The following CDH22 variants were observed in gnomAD, a reference collection of about 807,000 sequenced individuals.
The protein encoded by CDH22 is cadherin-22.
CDH22 carries 30 observed loss-of-function variants against 58.4 expected under a neutral mutation model. That is an observed-to-expected ratio of 0.51 (90% CI 0.38 to 0.70). The LOEUF (loss-of-function observed/expected upper bound fraction) is 0.70, where lower values mean the gene tolerates loss of function less well. Ranked by LOEUF, CDH22 falls within the 30% of genes least tolerant of loss-of-function variation. The probability of loss-of-function intolerance (pLI) is 0.00; values close to 1 mark genes in which losing one functional copy is unlikely to be tolerated. For synonymous variants in CDH22, 513 were observed against 558.2 expected (o/e 0.92, Z 1.14); for missense variants, 1,014 against 1,233.9 (o/e 0.82, Z 2.67).
At chr20:46,211,824 C>A (rs1257612133) in intron 6 of CDH22, among the ~76,000 whole-genome samples, 1 of 151,792 alleles carries the variant, frequency 6.6e-6, no homozygotes, top group Non-Finnish European at 1.5e-5. Flanking sequence ...TAGAGCTGGA[C>A]CCCCTGAGCC....
At chr20:46,270,689 T>C (rs2086482760) in intron 1 of CDH22, among the ~76,000 whole-genome samples, 1 of 152,176 alleles carries the variant, frequency 6.6e-6, no homozygotes, top group African/African-American at 2.4e-5. Context: ...GCAGGGGTGG[T>C]GAGACCCTAA....
chr20:46,189,829 CA>C (rs1465458093), intron 8 of CDH22, among the ~76,000 whole-genome samples: 1 of 152,168 alleles, frequency 6.6e-6, no homozygotes, highest in Non-Finnish European at 1.5e-5. Flanking sequence ...TGGCTGGCCC[CA>C]GGTCAGTACC....
At position 46,227,582 on chromosome 20, in the gene CDH22, G is replaced by A. The variant is rs770216963; in HGVS notation, c.596C>T (p.Thr199Met). Residue 199 changes from threonine to methionine, a missense_variant, in exon 4 of 12, where the codon ACG (threonine) becomes ATG (methionine). By Grantham distance (81) the Thr-to-Met change is moderately conservative. Coordinates refer to ENST00000537909, the MANE Select transcript of CDH22 (RefSeq NM_021248.3). ...QVMASDADDPTYGSSARLVYS... is the reference protein window; with the variant it reads ...QVMASDADDPMYGSSARLVYS... ...CACCAGCCGAGCGCTGCTGCCGTAC[G>A]TGGGGTCATCCGCATCCGAGGCCAT... 13 of 1,612,966 alleles carry A rather than the reference G, an allele frequency of 8.1e-6. No homozygotes were observed. In the South Asian group the frequency reaches 1.4e-4, roughly 18 times the overall value.
Position 46,216,991 on chromosome 20 carries a change from C to G in CDH22, c.673G>C (p.Val225Leu), listed in dbSNP as rs141292740. 6.3e-7 allele frequency: 1 copy of G among 1,587,156 alleles called. No homozygotes were observed. The highest frequency in any genetic ancestry group is 1.1e-5 in the South Asian group (1 of 90,522). The stretch of plus-strand genomic sequence containing the variant: ...AGGTCAGGCACAGCCGTCCGGATTA[C>G]GCCTGTGGGTGAGTGAGGGTGAGGC... ...HHFTVDPKTG[V>L]IRTAVPDLDR... is the part of the protein sequence containing the mutation. Residue 225 changes from valine to leucine, a missense_variant and splice_region_variant, in exon 5 of 12, where the codon GTA becomes CTA. This residue lies in a region of CDH22 where 806 missense variants were observed against 1,038.7 expected (regional missense o/e 0.78). Transcript: ENST00000537909. The surrounding 1 kb of genome is among the most constrained non-coding windows in gnomAD (Gnocchi z 5.3).
In CDH22 at chr20:46,210,164, C is replaced by A. The variant is rs940151436; in HGVS notation, c.1286+143G>T. The stretch of plus-strand genomic sequence containing the variant: ...TGCCTGTTTCTCTCCACCCGTGCGC[C>A]TCTCTCCGCGCCTCCCTCCCCCACG... On this transcript the variant is annotated intron_variant, in intron 7 of 11. Transcript: ENST00000537909. This position sits in a 1 kb window ranked among gnomAD's most constrained non-coding sequence, Gnocchi z 4.5. 1.2e-6 allele frequency: 1 copy of A among 844,438 alleles called. No individual in the cohort carries two copies. Among genetic ancestry groups the A allele is most frequent in the Non-Finnish European group, 1.7e-6 (1 of 605,502 alleles). 52.3% of individuals were successfully genotyped at this position (844,438 alleles called of 1,614,324 possible).
chr20:46,202,344 C>T (rs1218427688), intron 7 of CDH22, among the ~76,000 whole-genome samples: 2 of 150,738 alleles, frequency 1.3e-5, no homozygotes, highest in East Asian at 3.9e-4. Flanking sequence ...GGGATTCTCT[C>T]CCAGAGTTTA....
In CDH22 at chr20:46,251,378, C is replaced by T; in HGVS notation, c.-84G>A. On this transcript the variant is annotated 5_prime_UTR_variant, in exon 2 of 12. Coordinates refer to ENST00000537909, the MANE Select transcript of CDH22 (RefSeq NM_021248.3). This position sits in a 1 kb window ranked among gnomAD's most constrained non-coding sequence, Gnocchi z 6.7. ...TGCTTGGTCGCACAACGATGCGGCG[C>T]CGTGTCACATGGTGGCCTCAGCGCG... The T allele has an allele frequency of 7.3e-7, 1 of 1,365,516 alleles. No individual in the cohort carries two copies. Among genetic ancestry groups the T allele is most frequent in the Non-Finnish European group, 9.4e-7 (1 of 1,060,684 alleles). The allele number at this position is 1,365,516 out of a possible 1,614,324, so 84.6% of individuals were successfully genotyped here.
intron 1 of CDH22, among the ~76,000 whole-genome samples, chr20:46,275,331 C>T (rs2086512494): frequency 6.6e-6 from 1 of 152,180 alleles, no homozygotes; most frequent in South Asian, 2.1e-4. Flanking sequence ...CTCCTTTCCC[C>T]ATATCTGTGG....
chr20:46,302,163 C>T (rs2086655113), intron 1 of CDH22, among the ~76,000 whole-genome samples: 1 of 152,138 alleles, frequency 6.6e-6, no homozygotes, highest in Admixed American at 6.5e-5. Context: ...ACGCTAGACC[C>T]TAGGGAGGAA....
Position 46,216,974 on chromosome 20 carries a change from C to T in CDH22, c.690G>A (p.Val230=). 1 of 1,598,062 alleles carries T rather than the reference C, an allele frequency of 6.3e-7. No homozygotes were observed. Among genetic ancestry groups the T allele is most frequent in the Non-Finnish European group, 8.6e-7 (1 of 1,168,140 alleles). Residue 230 remains valine (V), a synonymous_variant, in exon 5 of 12, where the codon GTG becomes GTA. Coordinates refer to ENST00000537909, the MANE Select transcript of CDH22 (RefSeq NM_021248.3). This position sits in a 1 kb window ranked among gnomAD's most constrained non-coding sequence, Gnocchi z 5.3. ...CCTGGCTCTCGCGGTCAAGGTCAGG[C>T]ACAGCCGTCCGGATTACGCCTGTGG... ...DPKTGVIRTA[V]PDLDRESQER...
chr20:46,236,174 T>C (rs2086249936), intron 3 of CDH22, among the ~76,000 whole-genome samples: 1 of 152,004 alleles, frequency 6.6e-6, no homozygotes, highest in South Asian at 2.1e-4. Flanking sequence ...CATTAGGGAG[T>C]TTGTTAGAAA....
At chr20:46,214,788 C>A (rs1182832843) in intron 5 of CDH22, among the ~76,000 whole-genome samples, 1 of 152,230 alleles carries the variant, frequency 6.6e-6, no homozygotes, top group African/African-American at 2.4e-5. Flanking sequence ...GCTCCCTTGG[C>A]CCCCAAGCTT....
intron 10 of CDH22, among the ~76,000 whole-genome samples, chr20:46,182,821 T>G (rs2085798970): frequency 2.0e-5 from 3 of 152,154 alleles, no homozygotes; most frequent in Admixed American, 2.0e-4. Context: ...AAGAAACAGA[T>G]GGGTTGGGGT....
At chr20:46,199,273 C>G (rs1311198328) in intron 8 of CDH22, 150 bp downstream of exon 8, 15 of 940,334 alleles carry the variant, frequency 1.6e-5, no homozygotes, top group Non-Finnish European at 2.3e-5. Context: ...GTTTCTTTCT[C>G]TTCGCACCAT....
intron 1 of CDH22, among the ~76,000 whole-genome samples, chr20:46,284,189 G>A (rs1258134308): frequency 6.6e-6 from 1 of 151,474 alleles, no homozygotes; most frequent in East Asian, 1.9e-4. Context: ...CACAGACCCA[G>A]ATCTTCCTGG....
chr20:46,211,946 A>G (rs1048803736), intron 6 of CDH22, among the ~76,000 whole-genome samples: 1 of 152,058 alleles, frequency 6.6e-6, no homozygotes, highest in Non-Finnish European at 1.5e-5. Flanking sequence ...CAGAGGGTTG[A>G]TGAAGGGATC....
intron 1 of CDH22, among the ~76,000 whole-genome samples, chr20:46,288,872 C>T (rs981690284): frequency 6.6e-6 from 1 of 152,244 alleles, no homozygotes; most frequent in Admixed American, 6.5e-5. Flanking sequence ...TTGCAACAGC[C>T]TCCTAACTGG....
At chr20:46,238,378 A>G (rs1422277236) in intron 3 of CDH22, among the ~76,000 whole-genome samples, 1 of 152,158 alleles carries the variant, frequency 6.6e-6, no homozygotes, top group Admixed American at 6.5e-5. Context: ...ACCCATTAGC[A>G]AAATTGTATG....
At chr20:46,208,711 AG>A (rs2086018166) in intron 7 of CDH22, among the ~76,000 whole-genome samples, 1 of 152,174 alleles carries the variant, frequency 6.6e-6, no homozygotes, top group African/African-American at 2.4e-5. Flanking sequence ...CTCCTGCCTC[AG>A]CCTCCAGAGT....
Sources: allele counts gnomAD v4.1 joint callset (sites outside exome capture counted in the v4.1 genomes callset), GRCh38; gene constraint gnomAD v4.1.1; regional missense constraint gnomAD v4.1.1; non-coding constraint Gnocchi (gnomAD v3.1); transcripts MANE v1.5; gene names NCBI Gene and HGNC (gene_info 2026-07-23, HGNC 2026-07-21).